The following RAPGEF6 variants were observed in gnomAD, a reference collection of about 807,000 sequenced individuals.
RAPGEF6 encodes the protein Rap guanine nucleotide exchange factor 6, also known as PDZ domain containing guanine nucleotide exchange factor (GEF) 2.
RAPGEF6 carries 56 observed loss-of-function variants against 171.4 expected under a neutral mutation model. The ratio of observed to expected loss-of-function variants is 0.33; its 90% CI spans 0.26 to 0.41. The LOEUF (loss-of-function observed/expected upper bound fraction) is 0.41. Among genes scored for constraint, RAPGEF6 ranks in the 10% least tolerant of loss-of-function variants. The probability of loss-of-function intolerance (pLI) is 1.00; values close to 1 mark genes in which losing one functional copy is unlikely to be tolerated. For synonymous variants in RAPGEF6, 692 were observed against 650.1 expected (o/e 1.06, Z -0.98); for missense variants, 1,674 against 1,921.4 (o/e 0.87, Z 2.41).
At chr5:131,573,905 T>A (rs1478272470) in intron 4 of RAPGEF6, among the ~76,000 whole-genome samples, 1 of 152,054 alleles carries the variant, frequency 6.6e-6, no homozygotes, top group Admixed American at 6.5e-5. Context: ...TAGGAAAAAA[T>A]TCCAAAAGTT....
intron 25 of RAPGEF6, among the ~76,000 whole-genome samples, chr5:131,431,616 TA>T (rs1362980539): frequency 1.1e-4 from 16 of 151,960 alleles, no homozygotes; most frequent in Non-Finnish European, 1.6e-4. Flanking sequence ...AAATGTTAGA[TA>T]TTTTTTTTTT....
chr5:131,621,510 G>T (rs1385094932), intron 1 of RAPGEF6, among the ~76,000 whole-genome samples: 1 of 151,936 alleles, frequency 6.6e-6, no homozygotes, highest in Non-Finnish European at 1.5e-5. Context: ...TCAAACTCCT[G>T]GGCTCAAGCA....
intron 1 of RAPGEF6, among the ~76,000 whole-genome samples, chr5:131,633,666 G>A (rs1224965844): frequency 6.6e-6 from 1 of 152,106 alleles, no homozygotes; most frequent in African/African-American, 2.4e-5. Context: ...GGGAGGTAAA[G>A]GTTGTAGTGA....
intron 6 of RAPGEF6, among the ~76,000 whole-genome samples, chr5:131,527,451 C>T (rs1022051394): frequency 2.0e-5 from 3 of 152,150 alleles, no homozygotes; most frequent in Non-Finnish European, 4.4e-5. Flanking sequence ...ACAATATTCT[C>T]ATAAACTGCT....
At position 131,505,521 on chromosome 5, in the gene RAPGEF6, A is replaced by C; in HGVS notation, c.944T>G (p.Leu315Arg). 1.9e-6 allele frequency: 3 copies of C among 1,609,016 alleles called. No homozygotes were observed. Among genetic ancestry groups the C allele is most frequent in the Non-Finnish European group, 2.5e-6 (3 of 1,178,080 alleles). Reference sequence around the variant, plus strand: ...GTTTAAAATAACATACCATGAGTCAAGCTATAGAGAAAAACAAAGGTTTTA... The same window carrying C: ...GTTTAAAATAACATACCATGAGTCACGCTATAGAGAAAAACAAAGGTTTTA... ...GAIILEDGQE[L>R]DSWYVILNGT... Residue 315 changes from leucine (L) to arginine (R), a missense_variant and splice_region_variant, in exon 10 of 28, where the codon CTT (leucine) becomes CGT (arginine). This residue lies in a region of RAPGEF6 where 1,116 missense variants were observed against 1,321.5 expected (regional missense o/e 0.84). Coordinates refer to ENST00000509018, the MANE Select transcript of RAPGEF6 (RefSeq NM_016340.6).
chr5:131,451,269 C>G (rs1284906738), intron 21 of RAPGEF6, among the ~76,000 whole-genome samples: 1 of 152,076 alleles, frequency 6.6e-6, no homozygotes, highest in Non-Finnish European at 1.5e-5. Flanking sequence ...GAGAAACCAT[C>G]AGATCAACTA....
intron 15 of RAPGEF6, among the ~76,000 whole-genome samples, chr5:131,486,660 G>A (rs1484712318): frequency 1.3e-5 from 2 of 150,554 alleles, no homozygotes; most frequent in Non-Finnish European, 3.0e-5. Flanking sequence ...GTCTGTAAGA[G>A]TTACTTCTTT....
chr5:131,453,909 A>G (rs1208099594), intron 20 of RAPGEF6, among the ~76,000 whole-genome samples: 1 of 152,250 alleles, frequency 6.6e-6, no homozygotes, highest in Non-Finnish European at 1.5e-5. Flanking sequence ...AGCCTGTAAC[A>G]TTTCCTTATG....
intron 1 of RAPGEF6, among the ~76,000 whole-genome samples, chr5:131,628,589 A>T (rs1361749624): frequency 1.3e-5 from 2 of 152,184 alleles, no homozygotes; most frequent in Non-Finnish European, 2.9e-5. Context: ...CAGATTTTTA[A>T]TGTAGACAAA....
At position 131,505,526 on chromosome 5, in the gene RAPGEF6, T is replaced by C. The variant is rs747549745; in HGVS notation, c.943-4A>G. 4 of 1,608,322 alleles carry C rather than the reference T, an allele frequency of 2.5e-6. No individual in the cohort carries two copies. Among genetic ancestry groups the C allele is most frequent in the South Asian group, 2.2e-5 (2 of 90,276 alleles). On this transcript the variant is annotated splice_polypyrimidine_tract_variant and splice_region_variant and intron_variant, in intron 9 of 27. Coordinates refer to ENST00000509018, the MANE Select transcript of RAPGEF6 (RefSeq NM_016340.6). ...AAATAACATACCATGAGTCAAGCTA[T>C]AGAGAAAAACAAAGGTTTTATGAAT...
chr5:131,554,601 C>G (rs578174522), intron 5 of RAPGEF6, among the ~76,000 whole-genome samples: 114 of 152,278 alleles, frequency 7.5e-4, no homozygotes, highest in South Asian at 6.4e-3. Flanking sequence ...CTCGCTGCAA[C>G]CTCCACCTCC....
At chr5:131,484,120 T>A (rs555027774) in intron 15 of RAPGEF6, among the ~76,000 whole-genome samples, 1 of 144,666 alleles carries the variant, frequency 6.9e-6, no homozygotes, top group Admixed American at 6.9e-5. Flanking sequence ...AAAGACTTTA[T>A]AGAAAAGAAA....
At chr5:131,550,364 C>T (rs906790104) in intron 5 of RAPGEF6, among the ~76,000 whole-genome samples, 1 of 152,138 alleles carries the variant, frequency 6.6e-6, no homozygotes, top group African/African-American at 2.4e-5. Flanking sequence ...TTATAAACTC[C>T]ATCCCCAAAA....
intron 19 of RAPGEF6, among the ~76,000 whole-genome samples, chr5:131,458,167 C>T (rs111894188): frequency 0.017 from 2,615 of 152,260 alleles, 45 homozygotes; most frequent in Admixed American, 0.029. Context: ...TTCTGTGTCC[C>T]CACCCAAATT....
chr5:131,510,496 G>C lies in RAPGEF6; in HGVS notation c.628-5C>G, dbSNP rs764431650. The C allele has an allele frequency of 2.5e-6, 4 of 1,607,734 alleles. No individual in the cohort carries two copies. The highest frequency in any genetic ancestry group is 1.7e-4 in the Middle Eastern group (1 of 6,016). On this transcript the variant is annotated splice_region_variant and splice_polypyrimidine_tract_variant and intron_variant, in intron 7 of 27. Transcript: ENST00000509018. ...TCCTACCTCACTCTCCGTAGCCTAT[G>C]AAAAGAAATCTTGATCACTTACCAT...
At chr5:131,451,663 T>C (rs1005645919) in intron 21 of RAPGEF6, among the ~76,000 whole-genome samples, 1 of 152,204 alleles carries the variant, frequency 6.6e-6, no homozygotes, top group East Asian at 1.9e-4. Context: ...ACTGGTTCTA[T>C]TGGGTTACGA....
chr5:131,557,503 T>C (rs1173322855), intron 5 of RAPGEF6, among the ~76,000 whole-genome samples: 1 of 152,206 alleles, frequency 6.6e-6, no homozygotes, highest in Non-Finnish European at 1.5e-5. Context: ...ATACAAATCA[T>C]GTCATCTGTA....
Position 131,429,235 on chromosome 5 carries a change from A to C in RAPGEF6, c.4466-19T>G. ...CAGTACACTGGCATGAAAAATAAGC[A>C]ATGAAAATGTTAATGAAAAAGAAAT... On this transcript the variant is annotated intron_variant, in intron 26 of 27. Transcript: ENST00000509018. 1 of 1,501,118 alleles carries C rather than the reference A, an allele frequency of 6.7e-7. No homozygotes were observed. Among genetic ancestry groups the C allele is most frequent in the Non-Finnish European group, 9.0e-7 (1 of 1,112,422 alleles). The allele number at this position is 1,501,118 out of a possible 1,614,324, so 93.0% of individuals were successfully genotyped here. A position where few individuals can be genotyped will look rare whatever the true frequency, so the allele number is the denominator to read the frequency against.
intron 20 of RAPGEF6, among the ~76,000 whole-genome samples, chr5:131,453,858 A>G (rs769920756): frequency 1.3e-5 from 2 of 152,246 alleles, no homozygotes; most frequent in African/African-American, 2.4e-5. Flanking sequence ...CTCAAGTTAT[A>G]TAAACATATT....
Sources: allele counts gnomAD v4.1 joint callset (sites outside exome capture counted in the v4.1 genomes callset), GRCh38; gene constraint gnomAD v4.1.1; regional missense constraint gnomAD v4.1.1; transcripts MANE v1.5; gene names NCBI Gene and HGNC (gene_info 2026-07-23, HGNC 2026-07-21).